Variants in RPUSD2 observed in about 807,000 individuals in gnomAD.
The protein encoded by RPUSD2 is RNA pseudouridine synthase domain containing 2.
A neutral mutation model predicts 41.5 loss-of-function variants in RPUSD2; 31 were observed. That is an observed-to-expected ratio of 0.75 (90% CI 0.56 to 1.01). The LOEUF (loss-of-function observed/expected upper bound fraction) is 1.01, where lower values mean the gene tolerates loss of function less well. Among genes scored for constraint, RPUSD2 ranks in the 50% least tolerant of loss-of-function variants. The pLI is 0.00. For missense variants in RPUSD2, 749 were observed against 724.7 expected, an observed-to-expected ratio of 1.03 and a Z score of -0.38; for synonymous variants, 305 against 289.7, an observed-to-expected ratio of 1.05 and a Z score of -0.54.
Position 40,573,845 on chromosome 15 carries a change from A to C in RPUSD2, c.1222A>C (p.Asn408His). ...RGRGGYIPKTNEELLRDLVAE... is the reference protein window; with the variant it reads ...RGRGGYIPKTHEELLRDLVAE... ...CCGGGGCGGCTACATTCCCAAGACA[A>C]ACGAGGAGTTGCTACGGGACCTGGT... The change falls in exon 3 of 3, where the codon AAC becomes CAC. Residue 408 changes from asparagine (N) to histidine (H), a missense_variant. Asn to His is a moderately conservative substitution (Grantham distance 68, BLOSUM62 1). Coordinates refer to ENST00000315616, the MANE Select transcript of RPUSD2 (RefSeq NM_152260.3). The C allele has an allele frequency of 6.2e-7, 1 of 1,614,132 alleles. No homozygotes were observed. Among genetic ancestry groups the C allele is most frequent in the Non-Finnish European group, 8.5e-7 (1 of 1,180,002 alleles).
Position 40,573,570 on chromosome 15 carries a change from C to T in RPUSD2, c.947C>T (p.Thr316Ile). 6.2e-7 allele frequency: 1 copy of T among 1,614,094 alleles called. No homozygotes were observed. The highest frequency in any genetic ancestry group is 8.5e-7 in the Non-Finnish European group (1 of 1,179,976). Residue 316 changes from threonine to isoleucine, a missense_variant, in exon 3 of 3, where the codon ACT becomes ATT. Coordinates refer to ENST00000315616, the MANE Select transcript of RPUSD2 (RefSeq NM_152260.3). ...YVCRVEGEFP[T>I]EEVTCKEPIL... Reference sequence around the variant, plus strand: ...TGCCGGGTGGAAGGGGAGTTCCCCACTGAGGAAGTGACCTGTAAAGAACCC... The same window carrying T: ...TGCCGGGTGGAAGGGGAGTTCCCCATTGAGGAAGTGACCTGTAAAGAACCC...
In RPUSD2 at chr15:40,574,288, C is replaced by T. The variant is rs1204437953; in HGVS notation, c.*27C>T. On this transcript the variant is annotated 3_prime_UTR_variant, in exon 3 of 3. Transcript: ENST00000315616. ...GGTGTGGCCAATGGAGGGATTGCTT[C>T]TTGGGTTGTGACAAGGATGGGCTAT... The T allele has an allele frequency of 6.3e-7, 1 of 1,591,022 alleles. No homozygotes were observed. The highest frequency in any genetic ancestry group is 2.2e-5 in the East Asian group (1 of 44,746).
Position 40,573,566 on chromosome 15 carries a change from C to A in RPUSD2, c.943C>A (p.Pro315Thr). 1 of 1,614,052 alleles carries A rather than the reference C, an allele frequency of 6.2e-7. No homozygotes were observed. Among genetic ancestry groups the A allele is most frequent in the Non-Finnish European group, 8.5e-7 (1 of 1,179,950 alleles). The change falls in exon 3 of 3, where the codon CCC (proline) becomes ACC (threonine). Residue 315 changes from proline to threonine, a missense_variant. Coordinates refer to ENST00000315616, the MANE Select transcript of RPUSD2 (RefSeq NM_152260.3). ...CGTGTGCCGGGTGGAAGGGGAGTTC[C>A]CCACTGAGGAAGTGACCTGTAAAGA... ...EYVCRVEGEF[P>T]TEEVTCKEPI... is the part of the protein sequence containing the mutation.
At chr15:40,571,322 T>C (rs550922094) in intron 1 of RPUSD2, among the ~76,000 whole-genome samples, 14 of 152,278 alleles carry the variant, frequency 9.2e-5, no homozygotes, top group Admixed American at 6.5e-5. Flanking sequence ...GTAGAGAAAA[T>C]ACAATTAGCA....
In RPUSD2 at chr15:40,574,002, C is replaced by T; in HGVS notation, c.1379C>T (p.Ala460Val). 6.2e-7 allele frequency: 1 copy of T among 1,614,120 alleles called. No homozygotes were observed. Among genetic ancestry groups the T allele is most frequent in the Non-Finnish European group, 8.5e-7 (1 of 1,180,028 alleles). Residue 460 changes from alanine (A) to valine (V), a missense_variant, in exon 3 of 3, where the codon GCT becomes GTT. By Grantham distance (64) the Ala-to-Val change is moderately conservative. Transcript: ENST00000315616. Reference sequence around the variant, plus strand: ...GACGACCTGGAAGAGTTGGCTGCAGCTGCCCAGAAGATGGAGGAAGTAGCT... The same window carrying T: ...GACGACCTGGAAGAGTTGGCTGCAGTTGCCCAGAAGATGGAGGAAGTAGCT... ...GKDDLEELAA[A>V]AQKMEEVAEA... is the part of the protein sequence containing the mutation.
In RPUSD2 at chr15:40,574,042, G is replaced by A; in HGVS notation, c.1419G>A (p.Gln473=). 6.2e-7 allele frequency: 1 copy of A among 1,614,144 alleles called. No individual in the cohort carries two copies. Among genetic ancestry groups the A allele is most frequent in the Non-Finnish European group, 8.5e-7 (1 of 1,180,024 alleles). ...KMEEVAEAAP[Q]ELDTIALASE... ...AGGAAGTAGCTGAGGCAGCCCCTCA[G>A]GAGTTGGACACAATAGCCTTGGCAT... is the stretch of plus-strand genomic sequence containing the variant. The change falls in exon 3 of 3, where the codon CAG becomes CAA. Residue 473 remains glutamine (Q), a synonymous_variant. Coordinates refer to ENST00000315616, the MANE Select transcript of RPUSD2 (RefSeq NM_152260.3).
In RPUSD2 at chr15:40,569,834, T is replaced by C; in HGVS notation, c.497T>C (p.Phe166Ser). 1 of 1,613,044 alleles carries C rather than the reference T, an allele frequency of 6.2e-7. No individual in the cohort carries two copies. Among genetic ancestry groups the C allele is most frequent in the Non-Finnish European group, 8.5e-7 (1 of 1,179,698 alleles). Residue 166 changes from phenylalanine to serine, a missense_variant, in exon 1 of 3, where the codon TTC (phenylalanine) becomes TCC (serine). By Grantham distance (155) the Phe-to-Ser change is radical. Transcript: ENST00000315616. Reference sequence around the variant, plus strand: ...GTGGGCCACAGCTTGCTGCACGTCTTCAGTACCGAGTTCCGAGCTCAGCCC... The same window carrying C: ...GTGGGCCACAGCTTGCTGCACGTCTCCAGTACCGAGTTCCGAGCTCAGCCC... ...RWVGHSLLHV[F>S]STEFRAQPLA...
chr15:40,571,261 C>T (rs987519127), intron 1 of RPUSD2, among the ~76,000 whole-genome samples: 10 of 152,146 alleles, frequency 6.6e-5, no homozygotes, highest in South Asian at 2.1e-4. Context: ...GGATTAGAGG[C>T]GTGAGCCACT....
In RPUSD2 at chr15:40,573,942, C is replaced by G; in HGVS notation, c.1319C>G (p.Thr440Arg). The G allele has an allele frequency of 6.2e-7, 1 of 1,614,188 alleles. No individual in the cohort carries two copies. Among genetic ancestry groups the G allele is most frequent in the South Asian group, 1.1e-5 (1 of 91,086 alleles). Residue 440 changes from threonine to arginine, a missense_variant, in exon 3 of 3, where the codon ACA becomes AGA. Physicochemically the swap from Thr to Arg is moderately conservative, Grantham distance 71 (BLOSUM62 -1). Coordinates refer to ENST00000315616, the MANE Select transcript of RPUSD2 (RefSeq NM_152260.3). ...GAGGGTGACCTGTCCCCAGGACTCA[C>G]AGACTCTACGGCCCCCTCCTCAGAG... Reference protein sequence around the residue: ...LCEGDLSPGLTDSTAPSSELG... With the variant: ...LCEGDLSPGLRDSTAPSSELG...
In RPUSD2 at chr15:40,569,454, G is replaced by A. The variant is rs754894085; in HGVS notation, c.117G>A (p.Val39=). The A allele has an allele frequency of 5.1e-6, 8 of 1,572,546 alleles. No homozygotes were observed. The Admixed American group carries it at 1.4e-4, about 27-fold the overall frequency. Residue 39 remains valine (V), a synonymous_variant, in exon 1 of 3, where the codon GTG becomes GTA. Coordinates refer to ENST00000315616, the MANE Select transcript of RPUSD2 (RefSeq NM_152260.3). ...SGDKGPMAET[V]STQVGTEGGL... ...ATAAGGGCCCAATGGCAGAAACAGT[G>A]TCTACCCAGGTTGGGACAGAGGGCG...
In RPUSD2 at chr15:40,574,289, T is replaced by G. The variant is rs1252269826; in HGVS notation, c.*28T>G. The G allele has an allele frequency of 5.0e-6, 8 of 1,590,292 alleles. No individual in the cohort carries two copies. The highest frequency in any genetic ancestry group is 6.8e-6 in the Non-Finnish European group (8 of 1,169,030). On this transcript the variant is annotated 3_prime_UTR_variant, in exon 3 of 3. Coordinates refer to ENST00000315616, the MANE Select transcript of RPUSD2 (RefSeq NM_152260.3). ...GTGTGGCCAATGGAGGGATTGCTTC[T>G]TGGGTTGTGACAAGGATGGGCTATA...
chr15:40,570,241 C>G (rs1367144687), intron 1 of RPUSD2, among the ~76,000 whole-genome samples: 1 of 152,180 alleles, frequency 6.6e-6, no homozygotes, highest in African/African-American at 2.4e-5. Flanking sequence ...CGTCTTGTGG[C>G]AAGGGCACTG....
rs1210066337 is a variant in RPUSD2, at chr15:40,569,499, G to C, written c.162G>C (p.Gln54His). ...AGGGCGGGCTGAGGGCTTCGCATCA[G>C]CAAAACGGTGACGCTGGTGGCGACG... ...GTEGGLRASH[Q>H]QNGDAGGDAK... Residue 54 changes from glutamine (Q) to histidine (H), a missense_variant, in exon 1 of 3, where the codon CAG becomes CAC. By Grantham distance (24) the Gln-to-His change is conservative. Transcript: ENST00000315616. 1 of 1,553,654 alleles carries C rather than the reference G, an allele frequency of 6.4e-7. No homozygotes were observed. The highest frequency in any genetic ancestry group is 2.2e-5 in the East Asian group (1 of 44,574).
At chr15:40,572,794 T>C (rs1160921398) in intron 2 of RPUSD2, among the ~76,000 whole-genome samples, 2 of 152,100 alleles carry the variant, frequency 1.3e-5, no homozygotes, top group African/African-American at 4.8e-5. Context: ...TTTAAGATTA[T>C]GGGGAGAGCC....
chr15:40,572,106 C>T (rs1891154953), intron 2 of RPUSD2, among the ~76,000 whole-genome samples: 1 of 152,212 alleles, frequency 6.6e-6, no homozygotes, highest in Non-Finnish European at 1.5e-5. Flanking sequence ...ATGGCATACA[C>T]TGCCTCTCTT....
intron 1 of RPUSD2, among the ~76,000 whole-genome samples, chr15:40,570,383 A>C (rs982686680): frequency 6.6e-6 from 1 of 152,228 alleles, no homozygotes; most frequent in Non-Finnish European, 1.5e-5. Flanking sequence ...AGCCTTGTGA[A>C]GTAGGTATTG....
chr15:40,569,694 CG>C lies in RPUSD2; in HGVS notation c.361del (p.Val121Ter). 1 of 1,569,142 alleles carries C rather than the reference CG, an allele frequency of 6.4e-7. No individual in the cohort carries two copies. Among genetic ancestry groups the C allele is most frequent in the Non-Finnish European group, 8.7e-7 (1 of 1,155,570 alleles). On this transcript the variant is annotated frameshift_variant, in exon 1 of 3. Transcript: ENST00000315616. LOFTEE classifies it high-confidence loss of function. ...TGCCGCCCCCGAAGAAGCGGCGGACCGGGGTGAGCTTCGGAGATGAGCACTT... is the reference window on the plus strand; with the variant it reads ...TGCCGCCCCCGAAGAAGCGGCGGACCGGGTGAGCTTCGGAGATGAGCACTT... ...VVPPPKKRRT[G>X]VSFGDEHFAE...
chr15:40,570,084 T>G, intron 1 of RPUSD2, 141 bp downstream of exon 1: 6 of 1,204,414 alleles, frequency 5.0e-6, no homozygotes, highest in Non-Finnish European at 6.7e-6. Flanking sequence ...TCGCTTTCAT[T>G]TGGAACACTA....
At position 40,569,705 on chromosome 15, in the gene RPUSD2, T is replaced by A. The variant is rs1388655479; in HGVS notation, c.368T>A (p.Phe123Tyr). 2 of 1,580,144 alleles carry A rather than the reference T, an allele frequency of 1.3e-6. No homozygotes were observed. The highest frequency in any genetic ancestry group is 3.7e-5 in the Admixed American group (2 of 54,272). ...AAGAAGCGGCGGACCGGGGTGAGCT[T>A]CGGAGATGAGCACTTTGCAGAAACC... is the stretch of plus-strand genomic sequence containing the variant. ...PPKKRRTGVS[F>Y]GDEHFAETSY... is the part of the protein sequence containing the mutation. Residue 123 changes from phenylalanine to tyrosine, a missense_variant, in exon 1 of 3, where the codon TTC becomes TAC. Transcript: ENST00000315616.
Sources: allele counts gnomAD v4.1 joint callset (sites outside exome capture counted in the v4.1 genomes callset), GRCh38; gene constraint gnomAD v4.1.1; transcripts MANE v1.5; gene names NCBI Gene and HGNC (gene_info 2026-07-23, HGNC 2026-07-21).